FARS2: variants seen among roughly 807,000 people sequenced by gnomAD.
FARS2 encodes the protein phenylalanine--tRNA ligase, mitochondrial.
In FARS2, 40 loss-of-function variants were observed where a neutral mutation model predicts 46.4. The ratio of observed to expected loss-of-function variants is 0.86; its 90% CI spans 0.67 to 1.12. FARS2 has a LOEUF of 1.12. FARS2 is among the 50% of genes most tolerant of loss of function. The pLI, the probability that FARS2 is intolerant of heterozygous loss-of-function variation, is 0.00. For missense variants in FARS2, 513 were observed against 567.9 expected, an observed-to-expected ratio of 0.90 and a Z score of 0.98; for synonymous variants, 234 against 214.9, an observed-to-expected ratio of 1.09 and a Z score of -0.78.
intron 1 of FARS2, among the ~76,000 whole-genome samples, chr6:5,332,563 C>T (rs562545458): frequency 6.6e-6 from 1 of 152,254 alleles, no homozygotes; most frequent in East Asian, 1.9e-4. Context: ...GATATTATAC[C>T]TAAAGTAGCT....
At chr6:5,581,318 A>T (rs535692473) in intron 5 of FARS2, among the ~76,000 whole-genome samples, 33 of 152,232 alleles carry the variant, frequency 2.2e-4, no homozygotes, top group Non-Finnish European at 4.4e-4. Flanking sequence ...AAACCCACGC[A>T]CACACATAGA....
At chr6:5,577,388 C>T (rs111896279) in intron 5 of FARS2, among the ~76,000 whole-genome samples, 96 of 151,932 alleles carry the variant, frequency 6.3e-4, no homozygotes, top group African/African-American at 2.3e-3. Context: ...CTTCCTAGCT[C>T]TGCCAGCTTT....
At chr6:5,586,760 T>C (rs1773633607) in intron 5 of FARS2, among the ~76,000 whole-genome samples, 1 of 152,138 alleles carries the variant, frequency 6.6e-6, no homozygotes, top group East Asian at 1.9e-4. Flanking sequence ...ATTTTTGGGA[T>C]AGTTTGAGAA....
Position 5,392,735 on chromosome 6 carries a change from TAC to T in FARS2, c.613-11773_613-11772del, listed in dbSNP as rs10526282. On this transcript the variant is annotated intron_variant, in intron 2 of 6. Coordinates refer to ENST00000274680, the MANE Select transcript of FARS2 (RefSeq NM_006567.5). Reference sequence around the variant, plus strand: ...ACACTTGCTCTAAAATATATATATATACACACACACACACACACACACACACA... The same window carrying T: ...ACACTTGCTCTAAAATATATATATATACACACACACACACACACACACACA... 6.3e-3 allele frequency among the ~76,000 whole-genome samples: 891 copies of T among 142,304 alleles called. 4 individuals are homozygous for T. Among genetic ancestry groups the T allele is most frequent in the Middle Eastern group, 0.036 (10 of 278 alleles). 93.4% of individuals were successfully genotyped at this position (142,304 alleles called of 152,430 possible). A position where few individuals can be genotyped will look rare whatever the true frequency, so the allele number is the denominator to read the frequency against.
At chr6:5,351,393 A>G (rs1299278861) in intron 1 of FARS2, among the ~76,000 whole-genome samples, 1 of 152,356 alleles carries the variant, frequency 6.6e-6, no homozygotes, top group East Asian at 1.9e-4. Flanking sequence ...TTGCAGGAAC[A>G]TATCTTTTCA....
intron 6 of FARS2, among the ~76,000 whole-genome samples, chr6:5,650,402 C>G (rs1335049061): frequency 6.6e-6 from 1 of 151,912 alleles, no homozygotes; most frequent in Non-Finnish European, 1.5e-5. Flanking sequence ...AGCCATAATT[C>G]TGCAAGGCTC....
chr6:5,681,007 C>T (rs1779006526), intron 6 of FARS2, among the ~76,000 whole-genome samples: 1 of 152,158 alleles, frequency 6.6e-6, no homozygotes, highest in African/African-American at 2.4e-5. Context: ...GAAGTAGTGA[C>T]ATAATCGCCC....
At chr6:5,717,935 T>TAGAGAGAGAGAGAGAGAGAG (rs546191530) in intron 6 of FARS2, among the ~76,000 whole-genome samples, 52 of 135,642 alleles carry the variant, frequency 3.8e-4, no homozygotes, top group East Asian at 1.5e-3. Flanking sequence ...TATATATATA[T>TAGAGAGAGAGAGAGAGAGAG]ACAGAGTCTC....
At chr6:5,510,474 CCTGT>C (rs572750449) in intron 4 of FARS2, among the ~76,000 whole-genome samples, 229 of 152,332 alleles carry the variant, frequency 1.5e-3, no homozygotes, top group Non-Finnish European at 2.7e-3. Context: ...CGCAGCCTGG[CCTGT>C]CTTTCGCCCT....
At chr6:5,281,158 A>G (rs932524635) in intron 1 of FARS2, among the ~76,000 whole-genome samples, 18 of 152,322 alleles carry the variant, frequency 1.2e-4, no homozygotes, top group African/African-American at 4.3e-4. Flanking sequence ...TTGGTCATAG[A>G]GTCTAAAAGC....
chr6:5,313,150 T>A (rs1174168598), intron 1 of FARS2, among the ~76,000 whole-genome samples: 1 of 152,158 alleles, frequency 6.6e-6, no homozygotes, highest in African/African-American at 2.4e-5. Context: ...AGTGGTTCAT[T>A]GAAAGATTAA....
intron 4 of FARS2, among the ~76,000 whole-genome samples, chr6:5,476,870 G>A (rs1364308644): frequency 6.6e-6 from 1 of 152,170 alleles, no homozygotes; most frequent in East Asian, 1.9e-4. Context: ...GGATGTAGGA[G>A]GAATAGCAGT....
the FARS2 span, among the ~76,000 whole-genome samples, chr6:5,255,311 AG>A: frequency 6.6e-6 from 1 of 152,238 alleles, no homozygotes; most frequent in Admixed American, 6.5e-5. Flanking sequence ...TATGTGATAT[AG>A]CAACAAATTG....
chr6:5,472,712 G>A (rs192696747), intron 4 of FARS2, among the ~76,000 whole-genome samples: 1 of 152,032 alleles, frequency 6.6e-6, no homozygotes, highest in East Asian at 1.9e-4. Context: ...CAATTATCTC[G>A]TAAGAGCTTA....
Position 5,341,204 on chromosome 6 carries a change from TATATATATATATATATATATATA to T in FARS2, c.-21-27345_-21-27323del, listed in dbSNP as rs1771552628. Among the ~76,000 whole-genome samples, 9 of 4,712 alleles carry T rather than the reference TATATATATATATATATATATATA, an allele frequency of 1.9e-3. 1 individual carries two copies. Among genetic ancestry groups the T allele is most frequent in the East Asian group, 7.4e-3 (1 of 136 alleles). The allele number at this position is 4,712 out of a possible 152,430, so 3.1% of individuals were successfully genotyped here. On this transcript the variant is annotated intron_variant, in intron 1 of 6. Transcript: ENST00000274680. Reference sequence around the variant, plus strand: ...CCATGGGGAGATATATATATATATATATATATATATATATATATATATATATATATATTTTTTTTTTTTTTTTT... The same window carrying T: ...CCATGGGGAGATATATATATATATATTATATATATTTTTTTTTTTTTTTTT...
At chr6:5,283,834 T>C (rs1444959026) in intron 1 of FARS2, among the ~76,000 whole-genome samples, 1 of 152,194 alleles carries the variant, frequency 6.6e-6, no homozygotes, top group Non-Finnish European at 1.5e-5. Context: ...CCCCAATCAA[T>C]AAAAATTTGT....
chr6:5,748,308 C>A (rs1237660691), intron 6 of FARS2, among the ~76,000 whole-genome samples: 1 of 152,176 alleles, frequency 6.6e-6, no homozygotes, highest in Admixed American at 6.5e-5. Flanking sequence ...ATAAGTGTGT[C>A]TCAGGGACTC....
rs754754232 is a variant in FARS2 at position 5,293,507 on chromosome 6, AAC to A, written c.-22+31850_-22+31851del. ...TATAAAAGATGGCATTTAAAACCAC[AAC>A]ACTGGGCCATGTGATTTTTGTGGTG... On this transcript the variant is annotated intron_variant, in intron 1 of 6. Coordinates refer to ENST00000274680, the MANE Select transcript of FARS2 (RefSeq NM_006567.5). 5.9e-5 allele frequency among the ~76,000 whole-genome samples: 9 copies of A among 152,320 alleles called. No homozygotes were observed. The South Asian group carries it at 1.5e-3, about 25-fold the overall frequency.
intron 5 of FARS2, among the ~76,000 whole-genome samples, chr6:5,593,298 C>G (rs757278677): frequency 6.8e-6 from 1 of 146,518 alleles, no homozygotes; most frequent in African/African-American, 2.8e-5. Context: ...CACCTCCCGC[C>G]CCCACCGGCC....
Sources: allele counts gnomAD v4.1 joint callset (sites outside exome capture counted in the v4.1 genomes callset), GRCh38; gene constraint gnomAD v4.1.1; transcripts MANE v1.5; gene names NCBI Gene and HGNC (gene_info 2026-07-23, HGNC 2026-07-21).